The following CHD7 variants were observed in gnomAD, a reference collection of about 807,000 sequenced individuals.
CHD7 encodes the protein ATP-dependent chromatin remodeler CHD7.
CHD7 carries 24 observed loss-of-function variants against 307.3 expected under a neutral mutation model. The ratio of observed to expected loss-of-function variants is 0.08; its 90% CI spans 0.06 to 0.11. CHD7 has a LOEUF of 0.11. Among genes scored for constraint, CHD7 ranks in the 10% least tolerant of loss-of-function variants. The pLI is 1.00. For synonymous variants in CHD7, 1,363 were observed against 1,349.9 expected, an observed-to-expected ratio of 1.01 and a Z score of -0.21; for missense variants, 3,106 against 3,727.1, an observed-to-expected ratio of 0.83 and a Z score of 4.34.
chr8:60,737,914 A>C lies in CHD7; in HGVS notation c.-174-3345A>C, dbSNP rs144500669. ...AGAGGGAATTTTGTTTTATTCACAG[A>C]TCTCTCTCCAGCTCTTAGACTAGTG... On this transcript the variant is annotated intron_variant, in intron 1 of 37. Transcript: ENST00000423902. Among the ~76,000 whole-genome samples the C allele has an allele frequency of 4.4e-3, 676 of 152,328 alleles. 2 individuals are homozygous for C. The highest frequency in any genetic ancestry group is 7.0e-3 in the Non-Finnish European group (476 of 68,026).
In CHD7 at chr8:60,852,230, A is replaced by T; in HGVS notation, c.5877A>T (p.Ile1959=). ...RALEAEREAI[I]SEKRQKWTRR... The stretch of plus-strand genomic sequence containing the variant: ...TGGAAGCGGAAAGGGAAGCTATTAT[A>T]TCTGAGAAGCGGCAAAAGTGAGTTT... The change falls in exon 29 of 38, where the codon ATA becomes ATT. Residue 1959 remains isoleucine, a synonymous_variant. Coordinates refer to ENST00000423902, the MANE Select transcript of CHD7 (RefSeq NM_017780.4). 6.2e-7 allele frequency: 1 copy of T among 1,612,980 alleles called. No individual in the cohort carries two copies. Among genetic ancestry groups the T allele is most frequent in the Non-Finnish European group, 8.5e-7 (1 of 1,179,552 alleles).
At chr8:60,817,517 G>T (rs923491110) in intron 8 of CHD7, among the ~76,000 whole-genome samples, 3 of 152,296 alleles carry the variant, frequency 2.0e-5, no homozygotes, top group Non-Finnish European at 2.9e-5. Flanking sequence ...GGGAGATCAT[G>T]TGGTTGTTCT....
chr8:60,719,390 T>A (rs1807784610), intron 1 of CHD7, among the ~76,000 whole-genome samples: 1 of 152,246 alleles, frequency 6.6e-6, no homozygotes, highest in Non-Finnish European at 1.5e-5. Context: ...ATAGATAGAT[T>A]GATTTTATGT....
At chr8:60,756,090 AG>A (rs1202670682) in intron 2 of CHD7, among the ~76,000 whole-genome samples, 1 of 152,248 alleles carries the variant, frequency 6.6e-6, no homozygotes, top group East Asian at 1.9e-4. Flanking sequence ...AATAGCCATG[AG>A]GCTAGTGACT....
At chr8:60,805,215 C>T (rs1335458029) in intron 6 of CHD7, among the ~76,000 whole-genome samples, 1 of 152,046 alleles carries the variant, frequency 6.6e-6, no homozygotes, top group East Asian at 1.9e-4. Flanking sequence ...TTTCTGAGGG[C>T]TTATGAATTC....
At chr8:60,750,595 T>G (rs1307737369) in intron 2 of CHD7, among the ~76,000 whole-genome samples, 1 of 152,220 alleles carries the variant, frequency 6.6e-6, no homozygotes, top group Non-Finnish European at 1.5e-5. Flanking sequence ...AGTAATACAT[T>G]TAATTAAACC....
chr8:60,733,135 C>T (rs1269318292), intron 1 of CHD7, among the ~76,000 whole-genome samples: 7 of 151,802 alleles, frequency 4.6e-5, no homozygotes, highest in Admixed American at 2.6e-4. Context: ...CTTGGGAGCC[C>T]GCACTGGGAG....
intron 1 of CHD7, among the ~76,000 whole-genome samples, chr8:60,740,046 A>C (rs1213150772): frequency 6.6e-6 from 1 of 152,236 alleles, no homozygotes; most frequent in Non-Finnish European, 1.5e-5. Flanking sequence ...CGTTGATTTA[A>C]TTAGTGTTCA....
At position 60,865,447 on chromosome 8, in the gene CHD7, G is replaced by A. The variant is rs371399850; in HGVS notation, c.8508G>A (p.Pro2836=). 1.2e-5 allele frequency: 20 copies of A among 1,613,822 alleles called. No individual in the cohort carries two copies. Among genetic ancestry groups the A allele is most frequent in the Middle Eastern group, 1.6e-4 (1 of 6,084 alleles). ...NTTTASSQGE[P]EDSTSKGEEK... ...CTACTGCTTCTAGTCAAGGAGAACCGGAAGACAGCACTTCAAAAGGAGAGG... is the reference window on the plus strand; with the variant it reads ...CTACTGCTTCTAGTCAAGGAGAACCAGAAGACAGCACTTCAAAAGGAGAGG... Residue 2836 remains proline, a synonymous_variant, in exon 38 of 38, where the codon CCG becomes CCA. Transcript: ENST00000423902. This position sits in a 1 kb window ranked among gnomAD's most constrained non-coding sequence, Gnocchi z 4.3.
intron 2 of CHD7, 131 bp downstream of exon 2, chr8:60,743,228 T>TG: frequency 1.3e-6 from 1 of 781,354 alleles, no homozygotes; most frequent in Non-Finnish European, 2.2e-6. Flanking sequence ...TATTTGTTAT[T>TG]GGCTTATGCA....
In CHD7 at chr8:60,852,177, C is replaced by T. The variant is rs200441929; in HGVS notation, c.5824C>T (p.Arg1942Trp). Residue 1942 changes from arginine to tryptophan, a missense_variant, in exon 29 of 38, where the codon CGG becomes TGG. Coordinates refer to ENST00000423902, the MANE Select transcript of CHD7 (RefSeq NM_017780.4). ...CCTAATGAAGACTGACCGGCGCAGA[C>T]GGCGGCCTCGAGAGGAAGTGAGAGC... ...EALMKTDRRR[R>W]RPREEVRALE... 5.4e-5 allele frequency: 87 copies of T among 1,613,750 alleles called. No individual in the cohort carries two copies. The highest frequency in any genetic ancestry group is 6.5e-5 in the Non-Finnish European group (77 of 1,179,896).
chr8:60,850,966 C>A, intron 26 of CHD7, 66 bp from the exon 27 acceptor site: 1 of 1,140,848 alleles, frequency 8.8e-7, no homozygotes, highest in African/African-American at 1.6e-5. Context: ...CTCTTTCCTA[C>A]CCACCCCCCT....
chr8:60,794,713 G>A (rs1586340252), intron 3 of CHD7, among the ~76,000 whole-genome samples: 1 of 152,162 alleles, frequency 6.6e-6, no homozygotes, highest in Admixed American at 6.5e-5. Context: ...ATTATGGCTT[G>A]ATATACTGGC....
At chr8:60,825,756 G>C (rs1804229826) in intron 13 of CHD7, among the ~76,000 whole-genome samples, 1 of 152,098 alleles carries the variant, frequency 6.6e-6, no homozygotes, top group African/African-American at 2.4e-5. Flanking sequence ...TTCCCAGATA[G>C]TAAATTCTTA....
intron 1 of CHD7, among the ~76,000 whole-genome samples, chr8:60,705,995 A>G (rs1807005856): frequency 1.3e-5 from 2 of 152,218 alleles, no homozygotes; most frequent in Admixed American, 1.3e-4. Flanking sequence ...AGATGGATGA[A>G]ACATCCTTGA....
intron 2 of CHD7, among the ~76,000 whole-genome samples, chr8:60,745,814 C>G (rs1364407056): frequency 6.6e-6 from 1 of 152,128 alleles, no homozygotes; most frequent in African/African-American, 2.4e-5. Flanking sequence ...GATTTAACTT[C>G]TCTTTACCTC....
At chr8:60,793,039 G>T (rs1563605015) in intron 3 of CHD7, among the ~76,000 whole-genome samples, 1 of 152,226 alleles carries the variant, frequency 6.6e-6, no homozygotes, top group Non-Finnish European at 1.5e-5. Flanking sequence ...GCAGGTGCTG[G>T]TCATGTGACC....
chr8:60,806,383 G>C (rs893804796), intron 6 of CHD7, among the ~76,000 whole-genome samples: 11 of 152,058 alleles, frequency 7.2e-5, no homozygotes, highest in Admixed American at 7.2e-4. Context: ...GGAGTAGAAT[G>C]GGGAAATATT....
chr8:60,752,367 T>G (rs1809682548), intron 2 of CHD7, among the ~76,000 whole-genome samples: 1 of 152,190 alleles, frequency 6.6e-6, no homozygotes, highest in Admixed American at 6.5e-5. Context: ...GCCTTTCCTG[T>G]CTAATCTATT....
Sources: allele counts gnomAD v4.1 joint callset (sites outside exome capture counted in the v4.1 genomes callset), GRCh38; gene constraint gnomAD v4.1.1; non-coding constraint Gnocchi (gnomAD v3.1); transcripts MANE v1.5; gene names NCBI Gene and HGNC (gene_info 2026-07-23, HGNC 2026-07-21).